CREM: variants seen among roughly 807,000 people sequenced by gnomAD.
CREM encodes cAMP responsive element modulator.
CREM carries 13 observed loss-of-function variants against 37.3 expected under a neutral mutation model. The observed-to-expected ratio is 0.35, with a 90% CI of 0.23 to 0.55. The LOEUF (loss-of-function observed/expected upper bound fraction) is 0.55, where lower values mean the gene tolerates loss of function less well. CREM is among the 20% of genes least tolerant of loss of function. CREM has a pLI of 0.88. For synonymous variants in CREM, 124 were observed against 120.2 expected, an observed-to-expected ratio of 1.03 and a Z score of -0.21; for missense variants, 296 against 362.3, an observed-to-expected ratio of 0.82 and a Z score of 1.49.
At chr10:35,198,259 T>G (rs1461948224) in intron 6 of CREM, among the ~76,000 whole-genome samples, 3 of 152,076 alleles carry the variant, frequency 2.0e-5, no homozygotes, top group Non-Finnish European at 2.9e-5. Flanking sequence ...GCGCGGTGGC[T>G]CACGTCTGTA....
At chr10:35,150,903 C>T (rs961273709) in intron 3 of CREM, among the ~76,000 whole-genome samples, 3 of 79,012 alleles carry the variant, frequency 3.8e-5, no homozygotes, top group African/African-American at 1.6e-4. Flanking sequence ...GAAAGTGTTG[C>T]CAACAGGTTA....
intron 3 of CREM, among the ~76,000 whole-genome samples, chr10:35,157,285 T>C (rs1336426663): frequency 7.0e-6 from 1 of 143,278 alleles, no homozygotes; most frequent in Non-Finnish European, 1.6e-5. Context: ...ACAACTAACA[T>C]CATGCTGAAT....
At chr10:35,187,954 A>G (rs2094723752) in intron 5 of CREM, among the ~76,000 whole-genome samples, 1 of 152,252 alleles carries the variant, frequency 6.6e-6, no homozygotes, top group Non-Finnish European at 1.5e-5. Context: ...AGGAGGAGGA[A>G]CACTCCATGG....
intron 3 of CREM, among the ~76,000 whole-genome samples, chr10:35,156,690 G>A (rs1350385727): frequency 6.6e-6 from 1 of 152,146 alleles, no homozygotes; most frequent in Non-Finnish European, 1.5e-5. Flanking sequence ...TCTTCATAGT[G>A]CTCTCCACAA....
chr10:35,134,915 G>A (rs1280003131), intron 1 of CREM, among the ~76,000 whole-genome samples: 1 of 151,976 alleles, frequency 6.6e-6, no homozygotes, highest in Non-Finnish European at 1.5e-5. Context: ...GCATGCGCCT[G>A]TAATCCCAGC....
intron 7 of CREM, among the ~76,000 whole-genome samples, chr10:35,208,362 A>G (rs747647078): frequency 1.3e-5 from 2 of 152,134 alleles, no homozygotes; most frequent in African/African-American, 4.8e-5. Flanking sequence ...ATAAAATGCT[A>G]TTTTCTAAAA....
intron 2 of CREM, among the ~76,000 whole-genome samples, chr10:35,141,687 A>G (rs1473713305): frequency 6.6e-6 from 1 of 152,164 alleles, no homozygotes; most frequent in South Asian, 2.1e-4. Flanking sequence ...TTGAGAAGAG[A>G]CGTCTGGCCT....
intron 5 of CREM, among the ~76,000 whole-genome samples, chr10:35,180,654 A>G (rs937763527): frequency 2.0e-5 from 3 of 152,154 alleles, no homozygotes; most frequent in Non-Finnish European, 4.4e-5. Context: ...TGAGGTTTAC[A>G]TTGTCATTTT....
chr10:35,128,879 A>G (rs1270255228), intron 1 of CREM, among the ~76,000 whole-genome samples: 1 of 152,118 alleles, frequency 6.6e-6, no homozygotes, highest in Non-Finnish European at 1.5e-5. Context: ...CCTAAGTCAT[A>G]GTAGTCTTAA....
At chr10:35,184,217 A>T (rs2094462255) in intron 5 of CREM, among the ~76,000 whole-genome samples, 1 of 152,230 alleles carries the variant, frequency 6.6e-6, no homozygotes, top group South Asian at 2.1e-4. Flanking sequence ...GACCAATATC[A>T]GGATGTGGGG....
At chr10:35,186,114 G>C (rs1006716800) in intron 5 of CREM, among the ~76,000 whole-genome samples, 7 of 152,128 alleles carry the variant, frequency 4.6e-5, no homozygotes, top group African/African-American at 1.7e-4. Flanking sequence ...TGTTATTCTG[G>C]TGATGTGTTT....
Position 35,148,444 on chromosome 10 carries a change from C to T in CREM, c.121C>T (p.His41Tyr). The change falls in exon 3 of 8, where the codon CAT becomes TAT. Residue 41 changes from histidine (H) to tyrosine (Y), a missense_variant. This residue lies in a region of CREM where 257 missense variants were observed against 280.2 expected (regional missense o/e 0.92). Transcript: ENST00000685392. ...TASLTESKSA[H>Y]VQTQTGQNSI... The stretch of plus-strand genomic sequence containing the variant: ...TTCTTTGACAGAGAGCAAGTCTGCT[C>T]ATGTGCAGACTCAGACTGGCCAAAA... The T allele has an allele frequency of 1.2e-6, 2 of 1,613,760 alleles. No homozygotes were observed. The highest frequency in any genetic ancestry group is 1.3e-5 in the African/African-American group (1 of 75,014).
chr10:35,137,481 A>T (rs1449940976), intron 1 of CREM, among the ~76,000 whole-genome samples: 3 of 152,206 alleles, frequency 2.0e-5, no homozygotes, highest in Admixed American at 6.5e-5. Context: ...CTTTCTCTTC[A>T]GTAGAAAATA....
At chr10:35,135,119 G>A (rs1039368868) in intron 1 of CREM, among the ~76,000 whole-genome samples, 1 of 152,092 alleles carries the variant, frequency 6.6e-6, no homozygotes, top group African/African-American at 2.4e-5. Flanking sequence ...TGAAAGTAAG[G>A]TGAATGCCAA....
intron 1 of CREM, among the ~76,000 whole-genome samples, chr10:35,131,204 A>T (rs1232292342): frequency 1.3e-5 from 2 of 152,234 alleles, no homozygotes; most frequent in African/African-American, 4.8e-5. Flanking sequence ...TAGTATAACC[A>T]GGCCATTTAA....
intron 3 of CREM, among the ~76,000 whole-genome samples, chr10:35,159,524 A>G (rs980790768): frequency 1.3e-5 from 2 of 152,230 alleles, no homozygotes; most frequent in Non-Finnish European, 2.9e-5. Flanking sequence ...CTAGATATTT[A>G]CACAGAAGAA....
At chr10:35,161,994 TG>T (rs2093323125) in intron 3 of CREM, among the ~76,000 whole-genome samples, 1 of 152,214 alleles carries the variant, frequency 6.6e-6, no homozygotes, top group Non-Finnish European at 1.5e-5. Flanking sequence ...TGCAGCACTA[TG>T]CATAATGGCC....
At position 35,135,088 on chromosome 10, in the gene CREM, GT is replaced by G. The variant is rs573854470; in HGVS notation, c.-54-2693del. Among the ~76,000 whole-genome samples the G allele has an allele frequency of 5.8e-4, 89 of 152,150 alleles. 1 individual carries two copies. The South Asian group carries it at 0.017, about 29-fold the overall frequency. On this transcript the variant is annotated intron_variant, in intron 1 of 7. Coordinates refer to ENST00000685392, the MANE Select transcript of CREM (RefSeq NM_183011.2). ...TTAATTGAAGCTGTTGCACCACAGG[GT>G]GAATGGAGCAACATACTGGTGAAAG...
At chr10:35,160,327 G>T (rs1427541443) in intron 3 of CREM, among the ~76,000 whole-genome samples, 1 of 152,212 alleles carries the variant, frequency 6.6e-6, no homozygotes, top group Non-Finnish European at 1.5e-5. Flanking sequence ...TGCAGGACTG[G>T]ATGTTGTCCT....
Sources: allele counts gnomAD v4.1 joint callset (sites outside exome capture counted in the v4.1 genomes callset), GRCh38; gene constraint gnomAD v4.1.1; regional missense constraint gnomAD v4.1.1; transcripts MANE v1.5; gene names NCBI Gene and HGNC (gene_info 2026-07-23, HGNC 2026-07-21).